Variants in PLCB1 observed in about 807,000 individuals in gnomAD.
PLCB1 encodes 1-phosphatidylinositol 4,5-bisphosphate phosphodiesterase beta-1.
Under a neutral mutation model 161.8 loss-of-function variants are expected in PLCB1, and 46 were observed. The ratio of observed to expected loss-of-function variants is 0.28; its 90% CI spans 0.22 to 0.36. The LOEUF is 0.36. PLCB1 is among the 10% of genes least tolerant of loss of function. PLCB1 has a pLI of 1.00. For synonymous variants in PLCB1, 517 were observed against 503.7 expected (o/e 1.03, Z -0.35); for missense variants, 1,016 against 1,472.5 (o/e 0.69, Z 5.07).
chr20:8,865,273 C>G (rs962213520), intron 31 of PLCB1, among the ~76,000 whole-genome samples: 1 of 152,098 alleles, frequency 6.6e-6, no homozygotes, highest in African/African-American at 2.4e-5. Flanking sequence ...TTATAAAGTA[C>G]TCAAGATTTA....
intron 3 of PLCB1, among the ~76,000 whole-genome samples, chr20:8,589,513 G>A (rs909757008): frequency 6.6e-6 from 1 of 151,802 alleles, no homozygotes; most frequent in East Asian, 1.9e-4. Context: ...GGGGTCTGAT[G>A]AGAGCCCACT....
chr20:8,488,444 C>T (rs775638979), intron 3 of PLCB1, among the ~76,000 whole-genome samples: 27 of 152,074 alleles, frequency 1.8e-4, no homozygotes, highest in Non-Finnish European at 3.7e-4. Flanking sequence ...AATCATGGGA[C>T]AATTATTTTC....
chr20:8,814,226 G>A (rs1403582590), intron 31 of PLCB1, among the ~76,000 whole-genome samples: 1 of 152,176 alleles, frequency 6.6e-6, no homozygotes, highest in Non-Finnish European at 1.5e-5. Flanking sequence ...CCAAGATGAA[G>A]AGTATAGATG....
intron 2 of PLCB1, among the ~76,000 whole-genome samples, chr20:8,276,926 T>TTCCTTCTTC (rs1982577108): frequency 9.5e-6 from 1 of 104,830 alleles, no homozygotes; most frequent in East Asian, 3.0e-4. Flanking sequence ...GTCTTCTTCT[T>TTCCTTCTTC]TTCTTCTTCT....
chr20:8,592,067 A>G (rs1987166322), intron 3 of PLCB1, among the ~76,000 whole-genome samples: 2 of 152,194 alleles, frequency 1.3e-5, no homozygotes, highest in African/African-American at 4.8e-5. Context: ...TTTATACACT[A>G]TTTTAAATAG....
intron 2 of PLCB1, among the ~76,000 whole-genome samples, chr20:8,314,417 T>C (rs1984543231): frequency 6.6e-6 from 1 of 152,212 alleles, no homozygotes; most frequent in South Asian, 2.1e-4. Flanking sequence ...TAAGAAGCCA[T>C]ATATTCAGGA....
intron 19 of PLCB1, 124 bp downstream of exon 19, chr20:8,733,516 T>C (rs1980383184): frequency 2.4e-6 from 2 of 850,358 alleles, no homozygotes; most frequent in East Asian, 5.2e-5. Flanking sequence ...CTTCCTACAT[T>C]TTTTTTCTCT....
At chr20:8,853,063 C>T (rs1986943217) in intron 31 of PLCB1, among the ~76,000 whole-genome samples, 1 of 152,082 alleles carries the variant, frequency 6.6e-6, no homozygotes, top group Admixed American at 6.5e-5. Flanking sequence ...CATGAATTTA[C>T]AGATGATATG....
chr20:8,251,170 G>T (rs1268383204), intron 2 of PLCB1, among the ~76,000 whole-genome samples: 1 of 151,874 alleles, frequency 6.6e-6, no homozygotes, highest in Non-Finnish European at 1.5e-5. Flanking sequence ...AGTCTGTTTT[G>T]TAAGGACACT....
At chr20:8,254,973 T>G (rs1981336794) in intron 2 of PLCB1, among the ~76,000 whole-genome samples, 3 of 152,080 alleles carry the variant, frequency 2.0e-5, no homozygotes, top group Non-Finnish European at 4.4e-5. Flanking sequence ...ACCAGGCACT[T>G]GTTAATCGTT....
intron 3 of PLCB1, among the ~76,000 whole-genome samples, chr20:8,580,355 C>T (rs893304275): frequency 3.9e-5 from 6 of 152,090 alleles, no homozygotes; most frequent in East Asian, 1.9e-4. Flanking sequence ...CATGTAGTTA[C>T]GCTGTGATAA....
chr20:8,759,734 A>C (rs745367880), intron 24 of PLCB1, among the ~76,000 whole-genome samples: 1 of 152,064 alleles, frequency 6.6e-6, no homozygotes, highest in Non-Finnish European at 1.5e-5. Flanking sequence ...TCCTGACCTC[A>C]GCTGATCCAT....
chr20:8,569,514 A>G (rs914076413), intron 3 of PLCB1, among the ~76,000 whole-genome samples: 4 of 152,216 alleles, frequency 2.6e-5, no homozygotes, highest in African/African-American at 7.2e-5. Flanking sequence ...AGGTAAATCA[A>G]TGTTCACATA....
At chr20:8,701,164 G>T (rs1176786817) in intron 11 of PLCB1, among the ~76,000 whole-genome samples, 1 of 152,144 alleles carries the variant, frequency 6.6e-6, no homozygotes, top group Non-Finnish European at 1.5e-5. Flanking sequence ...TGAACCCAGC[G>T]TGTAAAGTGA....
At chr20:8,457,184 A>G (rs1981352644) in intron 3 of PLCB1, among the ~76,000 whole-genome samples, 1 of 152,216 alleles carries the variant, frequency 6.6e-6, no homozygotes, top group Non-Finnish European at 1.5e-5. Context: ...AGCTGGAAGC[A>G]AGTTCAAGTG....
chr20:8,259,565 A>T (rs1253686575), intron 2 of PLCB1, among the ~76,000 whole-genome samples: 1 of 152,058 alleles, frequency 6.6e-6, no homozygotes. Context: ...GGTGTGATCC[A>T]AGATCACACC....
intron 3 of PLCB1, among the ~76,000 whole-genome samples, chr20:8,557,235 C>A (rs1490670913): frequency 6.6e-6 from 1 of 151,790 alleles, no homozygotes; most frequent in Non-Finnish European, 1.5e-5. Flanking sequence ...CTGAAACAGG[C>A]ATTTGTACAC....
At chr20:8,450,511 C>T (rs571882719) in intron 3 of PLCB1, among the ~76,000 whole-genome samples, 84 of 152,144 alleles carry the variant, frequency 5.5e-4, no homozygotes, top group African/African-American at 1.8e-3. Flanking sequence ...ACAATTCTCA[C>T]GTGAGATTTC....
At chr20:8,427,713 A>G (rs949262451) in intron 3 of PLCB1, among the ~76,000 whole-genome samples, 4 of 152,112 alleles carry the variant, frequency 2.6e-5, no homozygotes, top group African/African-American at 9.7e-5. Flanking sequence ...GATTGGTTGG[A>G]GTAAGGAGGA....
Sources: allele counts gnomAD v4.1 joint callset (sites outside exome capture counted in the v4.1 genomes callset), GRCh38; gene constraint gnomAD v4.1.1; transcripts MANE v1.5; gene names NCBI Gene and HGNC (gene_info 2026-07-23, HGNC 2026-07-21).